PABPC4L: variants seen among roughly 807,000 people sequenced by gnomAD.
PABPC4L encodes polyadenylate-binding protein 4-like.
For synonymous variants in PABPC4L, 169 were observed against 164.1 expected (o/e 1.03, Z -0.23); for missense variants, 452 against 451.4 (o/e 1.00, Z -0.01).
chr4:133,966,761 G>T, the PABPC4L span, among the ~76,000 whole-genome samples: 9 of 151,996 alleles, frequency 5.9e-5, no homozygotes, highest in Non-Finnish European at 1.3e-4. Context: ...AAACTATGAG[G>T]ACACAAAGAC....
the PABPC4L span, among the ~76,000 whole-genome samples, chr4:134,099,048 C>T: frequency 0.21 from 31,710 of 151,476 alleles, 4,115 homozygotes; most frequent in Non-Finnish European, 0.27. Flanking sequence ...GTACAGACAA[C>T]TCTTTCTAGA....
the PABPC4L span, among the ~76,000 whole-genome samples, chr4:134,137,670 T>A: frequency 6.6e-5 from 10 of 151,886 alleles, no homozygotes; most frequent in African/African-American, 2.4e-4. Context: ...TCAAAGTACA[T>A]CAATTCTAAG....
chr4:134,109,280 C>CT, the PABPC4L span, among the ~76,000 whole-genome samples: 4 of 151,932 alleles, frequency 2.6e-5, no homozygotes, highest in Admixed American at 1.3e-4. Flanking sequence ...TTAAAATGTG[C>CT]TTTTTTCTAT....
the PABPC4L span, among the ~76,000 whole-genome samples, chr4:133,995,177 T>C: frequency 6.8e-3 from 1,037 of 152,262 alleles, 13 homozygotes; most frequent in African/African-American, 0.024. Flanking sequence ...TGGACAGTCA[T>C]TGATTTGCCA....
the PABPC4L span, among the ~76,000 whole-genome samples, chr4:134,044,030 G>T: frequency 1.3e-5 from 2 of 151,878 alleles, no homozygotes; most frequent in Non-Finnish European, 2.9e-5. Context: ...AGGCTGGAGT[G>T]CAGGGGCACG....
At chr4:134,014,152 G>A in the PABPC4L span, among the ~76,000 whole-genome samples, 5 of 152,050 alleles carry the variant, frequency 3.3e-5, no homozygotes, top group East Asian at 1.9e-4. Context: ...TCAAAAGGCC[G>A]TCTTATTCTC....
the PABPC4L span, among the ~76,000 whole-genome samples, chr4:134,036,051 C>T: frequency 6.6e-6 from 1 of 151,900 alleles, no homozygotes; most frequent in Non-Finnish European, 1.5e-5. Context: ...TTAGGGATTA[C>T]GAGGATTTTA....
the PABPC4L span, among the ~76,000 whole-genome samples, chr4:133,992,832 G>A: frequency 6.6e-6 from 1 of 152,262 alleles, no homozygotes; most frequent in Admixed American, 6.5e-5. Flanking sequence ...AGCCTCCTGA[G>A]TTGTCTTTGT....
the PABPC4L span, among the ~76,000 whole-genome samples, chr4:134,114,683 T>C: frequency 6.6e-6 from 1 of 151,890 alleles, no homozygotes; most frequent in Non-Finnish European, 1.5e-5. Context: ...TCGTTGGGTT[T>C]GGACGGGTGA....
At chr4:134,074,028 C>T in the PABPC4L span, among the ~76,000 whole-genome samples, 1 of 152,168 alleles carries the variant, frequency 6.6e-6, no homozygotes, top group East Asian at 1.9e-4. Context: ...TCTCTGTTGT[C>T]TTGGTGATTA....
chr4:134,074,818 T>A, the PABPC4L span, among the ~76,000 whole-genome samples: 2 of 152,114 alleles, frequency 1.3e-5, no homozygotes, highest in Non-Finnish European at 2.9e-5. Context: ...CCAGATCTTG[T>A]GAGAACTCAC....
chr4:134,015,903 T>C, the PABPC4L span, among the ~76,000 whole-genome samples: 2 of 152,070 alleles, frequency 1.3e-5, no homozygotes, highest in Non-Finnish European at 2.9e-5. Context: ...ACTTCCAAAA[T>C]CTATTTTCTT....
chr4:134,070,205 T>C, the PABPC4L span, among the ~76,000 whole-genome samples: 665 of 152,032 alleles, frequency 4.4e-3, 7 homozygotes, highest in African/African-American at 0.015. Context: ...GGGGCCTAGG[T>C]GCTCCCGTAC....
chr4:134,185,877 T>C, the PABPC4L span, among the ~76,000 whole-genome samples: 7 of 152,050 alleles, frequency 4.6e-5, no homozygotes, highest in South Asian at 2.1e-4. Context: ...TCACAAGCAT[T>C]CCTATACACC....
the PABPC4L span, among the ~76,000 whole-genome samples, chr4:134,170,718 T>C: frequency 1.3e-5 from 2 of 152,054 alleles, no homozygotes; most frequent in Non-Finnish European, 2.9e-5. Context: ...GAGAAATCCA[T>C]TACCATGATC....
At chr4:134,004,833 T>G in the PABPC4L span, among the ~76,000 whole-genome samples, 6 of 151,880 alleles carry the variant, frequency 4.0e-5, no homozygotes, top group South Asian at 2.1e-4. Context: ...TGGAGGATAT[T>G]ATGTTAAGGA....
chr4:134,004,552 A>G, the PABPC4L span, among the ~76,000 whole-genome samples: 85 of 151,974 alleles, frequency 5.6e-4, no homozygotes, highest in African/African-American at 1.9e-3. Flanking sequence ...GCCACTATAG[A>G]AATCAGTATG....
chr4:133,990,339 A>G, the PABPC4L span, among the ~76,000 whole-genome samples: 1 of 152,298 alleles, frequency 6.6e-6, no homozygotes. Context: ...ATCTGTGATC[A>G]GTGATCATTG....
rs1002344827 is a variant in PABPC4L at position 134,199,732 on chromosome 4, A to G, written c.*175T>C. 1 of 755,204 alleles carries G rather than the reference A, an allele frequency of 1.3e-6. No homozygotes were observed. The highest frequency in any genetic ancestry group is 2.0e-6 in the Non-Finnish European group (1 of 495,008). 46.8% of individuals were successfully genotyped at this position (755,204 alleles called of 1,614,324 possible). A position where few individuals can be genotyped will look rare whatever the true frequency, so the allele number is the denominator to read the frequency against. ...CTGTAAAATGAACTAAGCTCCATCTATTTTTCCACAAAAGAAAAAAAATGG... is the reference window on the plus strand; with the variant it reads ...CTGTAAAATGAACTAAGCTCCATCTGTTTTTCCACAAAAGAAAAAAAATGG... On this transcript the variant is annotated 3_prime_UTR_variant, in exon 2 of 2. Transcript: ENST00000421491.
Sources: gnomAD v4.1 joint callset for allele counts (sites outside exome capture counted in the v4.1 genomes callset) on GRCh38, gnomAD v4.1.1 for gene constraint, MANE v1.5 for transcripts, NCBI Gene and HGNC (gene_info 2026-07-23, HGNC 2026-07-21) for gene names.